The following ADARB2 variants were observed in gnomAD, a reference collection of about 807,000 sequenced individuals.
ADARB2 encodes inactive double-stranded RNA-specific editase B2.
ADARB2 carries 25 observed loss-of-function variants against 62.2 expected under a neutral mutation model. The ratio of observed to expected loss-of-function variants is 0.40; its 90% confidence interval spans 0.29 to 0.56. The LOEUF (loss-of-function observed/expected upper bound fraction) is 0.56, where lower values mean the gene tolerates loss of function less well. Among genes scored for constraint, ADARB2 ranks in the 20% least tolerant of loss-of-function variants. The pLI is 0.43. For missense variants in ADARB2, 1,071 were observed against 1,077.4 expected (o/e 0.99, Z 0.08); for synonymous variants, 572 against 500.8 (o/e 1.14, Z -1.90).
intron 1 of ADARB2, among the ~76,000 whole-genome samples, chr10:1,560,099 A>G (rs1832767190): frequency 6.6e-6 from 1 of 152,210 alleles, no homozygotes; most frequent in Non-Finnish European, 1.5e-5. Context: ...TTATCTAACA[A>G]ATCCTAAGAT....
intron 4 of ADARB2, among the ~76,000 whole-genome samples, chr10:1,259,040 T>G (rs1831107712): frequency 6.6e-6 from 1 of 152,236 alleles, no homozygotes; most frequent in South Asian, 2.1e-4. Flanking sequence ...AACCTGCTCC[T>G]GAATGACTAC....
rs566139263 is a variant in ADARB2 at position 1,262,434 on chromosome 10, T to C, written c.1192+8521A>G. ...GAATCTACAATGAACTCAAACAAAT[T>C]TACAAGAAAAATCAAACAACCCCAT... On this transcript the variant is annotated intron_variant, in intron 4 of 9. Transcript: ENST00000381312. 2.0e-5 allele frequency among the ~76,000 whole-genome samples: 3 copies of C among 151,632 alleles called. No homozygotes were observed. The South Asian group carries it at 6.3e-4, about 32-fold the overall frequency.
intron 1 of ADARB2, among the ~76,000 whole-genome samples, chr10:1,715,883 C>G (rs924672614): frequency 6.6e-6 from 1 of 152,176 alleles, no homozygotes; most frequent in African/African-American, 2.4e-5. Flanking sequence ...CACACCCTTC[C>G]GAACAGCAGC....
intron 1 of ADARB2, among the ~76,000 whole-genome samples, chr10:1,643,662 T>C (rs10794778): frequency 0.53 from 80,304 of 152,140 alleles, 23,190 homozygotes; most frequent in Non-Finnish European, 0.65. Flanking sequence ...GGACAGCTCC[T>C]GGTTCCCTAT....
intron 1 of ADARB2, among the ~76,000 whole-genome samples, chr10:1,403,809 C>G (rs1832684753): frequency 6.6e-6 from 1 of 152,220 alleles, no homozygotes; most frequent in Non-Finnish European, 1.5e-5. Context: ...CCTGTTGCCC[C>G]TAAATCTGCT....
At chr10:1,245,378 G>A (rs936417091) in intron 4 of ADARB2, among the ~76,000 whole-genome samples, 1 of 151,862 alleles carries the variant, frequency 6.6e-6, no homozygotes, top group Non-Finnish European at 1.5e-5. Context: ...GTGCACATGT[G>A]CACAACGTGC....
At chr10:1,463,251 G>T (rs1831201995) in intron 1 of ADARB2, among the ~76,000 whole-genome samples, 1 of 152,160 alleles carries the variant, frequency 6.6e-6, no homozygotes, top group African/African-American at 2.4e-5. Flanking sequence ...TTCCTCTCTG[G>T]GGCGTTCACA....
intron 3 of ADARB2, among the ~76,000 whole-genome samples, chr10:1,349,434 G>A (rs1269739129): frequency 1.3e-5 from 2 of 152,140 alleles, no homozygotes; most frequent in Non-Finnish European, 2.9e-5. Context: ...TTGGTGCCGT[G>A]ACTCAGATCA....
At chr10:1,371,053 A>T (rs1338057168) in intron 2 of ADARB2, among the ~76,000 whole-genome samples, 1 of 152,250 alleles carries the variant, frequency 6.6e-6, no homozygotes, top group East Asian at 1.9e-4. Flanking sequence ...TTTAAATTAT[A>T]CTACAAGTCT....
intron 1 of ADARB2, among the ~76,000 whole-genome samples, chr10:1,647,371 G>A (rs1834056428): frequency 6.6e-6 from 1 of 152,264 alleles, no homozygotes; most frequent in Non-Finnish European, 1.5e-5. Context: ...GCACACGTGT[G>A]TCTATATATG....
intron 1 of ADARB2, among the ~76,000 whole-genome samples, chr10:1,529,542 G>A (rs918054089): frequency 3.3e-5 from 5 of 152,060 alleles, no homozygotes; most frequent in Admixed American, 6.5e-5. Flanking sequence ...CCACTCTTCC[G>A]ATGCAACGTC....
chr10:1,389,141 A>C (rs1241521694), intron 1 of ADARB2, among the ~76,000 whole-genome samples: 11 of 152,242 alleles, frequency 7.2e-5, no homozygotes, highest in Non-Finnish European at 1.6e-4. Context: ...AAATGATCAC[A>C]AGATGGATCA....
At position 1,704,466 on chromosome 10, in the gene ADARB2, T is replaced by TATAGGA. The variant is rs1366671726; in HGVS notation, c.100+32579_100+32584dup. ...CAGTTAGCAATAGGATCCCCACTCCTATAGGAATCTAATGCCACTGTGACC... is the reference window on the plus strand; with the variant it reads ...CAGTTAGCAATAGGATCCCCACTCCTATAGGAATAGGAATCTAATGCCACTGTGACC... On this transcript the variant is annotated intron_variant, in intron 1 of 9. Transcript: ENST00000381312. This position sits in a 1 kb window ranked among gnomAD's most constrained non-coding sequence, Gnocchi z 5.6. 1.3e-5 allele frequency among the ~76,000 whole-genome samples: 2 copies of TATAGGA among 152,132 alleles called. No homozygotes were observed. Among genetic ancestry groups the TATAGGA allele is most frequent in the African/African-American group, 4.8e-5 (2 of 41,412 alleles).
chr10:1,542,981 G>T (rs113510452), intron 1 of ADARB2, among the ~76,000 whole-genome samples: 33 of 151,668 alleles, frequency 2.2e-4, no homozygotes, highest in African/African-American at 7.3e-4. Flanking sequence ...ACAGCTGTCC[G>T]TCCGCCCGAG....
intron 1 of ADARB2, among the ~76,000 whole-genome samples, chr10:1,485,705 C>T (rs924552025): frequency 6.6e-6 from 1 of 152,186 alleles, no homozygotes; most frequent in Non-Finnish European, 1.5e-5. Flanking sequence ...AATAACGCTC[C>T]GTCTATGGCG....
intron 1 of ADARB2, among the ~76,000 whole-genome samples, chr10:1,457,696 C>T (rs2131905887): frequency 6.6e-6 from 1 of 152,290 alleles, no homozygotes; most frequent in South Asian, 2.1e-4. Flanking sequence ...CTGATGGCCT[C>T]CCTCACAAAC....
In ADARB2 at chr10:1,426,079, A is replaced by G. The variant is rs530596433; in HGVS notation, c.101-46919T>C. Among the ~76,000 whole-genome samples the G allele has an allele frequency of 6.6e-6, 1 of 152,354 alleles. No homozygotes were observed. The highest frequency in any genetic ancestry group is 1.9e-4 in the East Asian group (1 of 5,180). ...ATTCTGAGCATGTGGCATTTGTCAG[A>G]AGGTTGTGTTTATGTTTTATGCTTG... is the stretch of plus-strand genomic sequence containing the variant. On this transcript the variant is annotated intron_variant, in intron 1 of 9. Coordinates refer to ENST00000381312, the MANE Select transcript of ADARB2 (RefSeq NM_018702.4). This position sits in a 1 kb window ranked among gnomAD's most constrained non-coding sequence, Gnocchi z 4.1.
intron 1 of ADARB2, among the ~76,000 whole-genome samples, chr10:1,449,134 C>T (rs112284390): frequency 4.6e-5 from 7 of 152,278 alleles, no homozygotes; most frequent in African/African-American, 1.4e-4. Flanking sequence ...GAGACCAGGT[C>T]CCCCTCACCC....
At chr10:1,434,995 C>T (rs1462557993) in intron 1 of ADARB2, among the ~76,000 whole-genome samples, 2 of 152,216 alleles carry the variant, frequency 1.3e-5, no homozygotes, top group African/African-American at 2.4e-5. Context: ...CAGTTTGGTC[C>T]GGGAACAAGG....
Sources: allele counts gnomAD v4.1 joint callset (sites outside exome capture counted in the v4.1 genomes callset), GRCh38; gene constraint gnomAD v4.1.1; non-coding constraint Gnocchi (gnomAD v3.1); transcripts MANE v1.5; gene names NCBI Gene and HGNC (gene_info 2026-07-23, HGNC 2026-07-21).